Variants in UMODL1 observed in about 807,000 individuals in gnomAD.
UMODL1 encodes the protein uromodulin like 1.
UMODL1 carries 128 observed loss-of-function variants against 136.3 expected under a neutral mutation model. The ratio of observed to expected loss-of-function variants is 0.94; its 90% confidence interval spans 0.81 to 1.09. The LOEUF is 1.09. Among genes scored for constraint, UMODL1 ranks in the 50% least tolerant of loss-of-function variants. The pLI is 0.00. For synonymous variants in UMODL1, 721 were observed against 720.0 expected, an observed-to-expected ratio of 1.00 and a Z score of -0.02; for missense variants, 1,766 against 1,725.6, an observed-to-expected ratio of 1.02 and a Z score of -0.41.
upstream of UMODL1, among the ~76,000 whole-genome samples, chr21:42,068,938 T>C (rs2066205632): frequency 6.6e-6 from 1 of 152,210 alleles, no homozygotes; most frequent in Non-Finnish European, 1.5e-5. The surrounding 1 kb of genome is among the most constrained non-coding windows in gnomAD (Gnocchi z 5.5). Context: ...GCCTCCATTG[T>C]CTCTCCAGCC....
chr21:42,139,755 C>T (rs993690582), intron 22 of UMODL1, among the ~76,000 whole-genome samples: 11 of 152,268 alleles, frequency 7.2e-5, no homozygotes, highest in African/African-American at 2.6e-4. Flanking sequence ...GACATTTCCT[C>T]GTAACTCTAT....
rs2066833850 is a variant in UMODL1, at chr21:42,111,678, C to T, written c.2072C>T (p.Ser691Phe). 1.1e-5 allele frequency: 18 copies of T among 1,613,660 alleles called. No homozygotes were observed. The highest frequency in any genetic ancestry group is 1.5e-5 in the Non-Finnish European group (18 of 1,179,760). ...PSGSVDLPLT[S>F]TLTALKTPAC... The stretch of plus-strand genomic sequence containing the variant: ...GGTTCTGTAGACCTGCCATTGACCT[C>T]CACCCTCACAGCTCTGAAGACCCCC... The change falls in exon 12 of 23, where the codon TCC becomes TTC. Residue 691 changes from serine (S) to phenylalanine (F), a missense_variant. Physicochemically the swap from Ser to Phe is radical, Grantham distance 155 (BLOSUM62 -2). Coordinates refer to ENST00000408910, the MANE Select transcript of UMODL1 (RefSeq NM_001004416.3).
At position 42,086,763 on chromosome 21, in the gene UMODL1, A is replaced by G. The variant is rs536081013; in HGVS notation, c.603+1351A>G. The G allele has an allele frequency of 6.0e-5, 24 of 398,202 alleles. No homozygotes were observed. In the East Asian group the frequency reaches 1.5e-3, roughly 24 times the overall value. 24.7% of individuals were successfully genotyped at this position (398,202 alleles called of 1,614,324 possible). A position where few individuals can be genotyped will look rare whatever the true frequency, so the allele number is the denominator to read the frequency against. On this transcript the variant is annotated intron_variant, in intron 4 of 22. Coordinates refer to ENST00000408910, the MANE Select transcript of UMODL1 (RefSeq NM_001004416.3). ...GGCGGATCACTTGAGGTCAGGAGTT[A>G]AAGACCAGCCTGGCCAACATGGCGA...
chr21:42,118,786 C>T (rs946598665), intron 14 of UMODL1, among the ~76,000 whole-genome samples: 2 of 152,162 alleles, frequency 1.3e-5, no homozygotes, highest in Non-Finnish European at 2.9e-5. Flanking sequence ...CCTTGTGAGC[C>T]CCCAGCAAAT....
chr21:42,116,006 C>T (rs896637898), intron 14 of UMODL1, 21 bp downstream of exon 14: 2 of 1,587,352 alleles, frequency 1.3e-6, no homozygotes, highest in African/African-American at 1.3e-5. Flanking sequence ...GATATCAGCC[C>T]TTAATTCCTT....
At chr21:42,102,442 A>T (rs1000793756) in intron 8 of UMODL1, 164 bp downstream of exon 8, 2 of 533,106 alleles carry the variant, frequency 3.8e-6, no homozygotes. Context: ...GTGATTAGTC[A>T]AAAGCTTTCC....
rs757516015 is a variant in UMODL1 at position 42,071,410 on chromosome 21, G to A, written c.76+18G>A. On this transcript the variant is annotated intron_variant, in intron 1 of 22. Transcript: ENST00000408910. ...CTTCACAGGTGAGGGGTCTGGGCTT[G>A]GCATGGGCAGTTCTTAAGGACAGGG... 4.5e-6 allele frequency: 7 copies of A among 1,563,336 alleles called. No homozygotes were observed. Among genetic ancestry groups the A allele is most frequent in the Middle Eastern group, 1.7e-4 (1 of 5,892 alleles).
chr21:42,136,728 T>A (rs540474767), intron 21 of UMODL1, among the ~76,000 whole-genome samples: 1 of 151,608 alleles, frequency 6.6e-6, no homozygotes, highest in Non-Finnish European at 1.5e-5. Context: ...TCTTTTTTTT[T>A]GTTTCTTGTT....
intron 9 of UMODL1, among the ~76,000 whole-genome samples, chr21:42,104,621 T>G (rs1246092556): frequency 2.0e-5 from 3 of 152,130 alleles, no homozygotes; most frequent in Non-Finnish European, 4.4e-5. Context: ...GGCTAATTTT[T>G]GTATTTTAAG....
Position 42,111,641 on chromosome 21 carries a change from A to G in UMODL1, c.2035A>G (p.Ser679Gly). The G allele has an allele frequency of 6.2e-7, 1 of 1,614,062 alleles. No homozygotes were observed. The highest frequency in any genetic ancestry group is 1.1e-5 in the South Asian group (1 of 91,076). The change falls in exon 12 of 23, where the codon AGT becomes GGT. Residue 679 changes from serine to glycine, a missense_variant. Coordinates refer to ENST00000408910, the MANE Select transcript of UMODL1 (RefSeq NM_001004416.3). Reference protein sequence around the residue: ...LNPTWLRNEDSGPSGSVDLPL... With the variant: ...LNPTWLRNEDGGPSGSVDLPL... The stretch of plus-strand genomic sequence containing the variant: ...TCCCACGTGGCTGCGAAATGAGGAC[A>G]GTGGACCCTCCGGTTCTGTAGACCT...
Position 42,111,339 on chromosome 21 carries a change from GGAGCCCCAGCCAGGA to G in UMODL1, c.1900-152_1900-138del, listed in dbSNP as rs759024552. On this transcript the variant is annotated intron_variant, in intron 11 of 22. Transcript: ENST00000408910. ...TCCAGCCAGGGGAGCCCCAGCCAGG[GGAGCCCCAGCCAGGA>G]GAGCCCCAGCCAGGGGAGCACCAGC... 30 of 1,605,100 alleles carry G rather than the reference GGAGCCCCAGCCAGGA, an allele frequency of 1.9e-5. No individual in the cohort carries two copies. The African/African-American group carries it at 1.9e-4, about 10-fold the overall frequency.
intron 8 of UMODL1, chr21:42,102,925 C>G (rs113440127): frequency 6.5e-6 from 1 of 153,234 alleles, no homozygotes; most frequent in Admixed American, 6.5e-5. Flanking sequence ...TGTGCCGGTT[C>G]CCCTTCCTGC....
At chr21:42,124,061 G>A (rs908329546) in intron 17 of UMODL1, among the ~76,000 whole-genome samples, 2 of 152,202 alleles carry the variant, frequency 1.3e-5, no homozygotes, top group Non-Finnish European at 2.9e-5. Flanking sequence ...TCTAGTGTGT[G>A]GCACCCATGA....
intron 6 of UMODL1, among the ~76,000 whole-genome samples, chr21:42,095,147 T>G (rs936727684): frequency 2.9e-5 from 4 of 137,566 alleles, no homozygotes; most frequent in Non-Finnish European, 6.1e-5. Flanking sequence ...CAGGCTGAAG[T>G]ACAGTGGCAC....
rs776165510 is a variant in UMODL1 at position 42,127,064 on chromosome 21, T to C, written c.3352T>C (p.Leu1118=). Residue 1118 remains leucine (L), a synonymous_variant, in exon 19 of 23, where the codon TTG becomes CTG. Coordinates refer to ENST00000408910, the MANE Select transcript of UMODL1 (RefSeq NM_001004416.3). ...GAGNFVTEMQ[L]FIGDSPIPQN... ...TGGGAATTTTGTTACCGAAATGCAG[T>C]TGTTTATCGGAGACTCTCCCATACC... 6.2e-7 allele frequency: 1 copy of C among 1,614,044 alleles called. No homozygotes were observed. Among genetic ancestry groups the C allele is most frequent in the Non-Finnish European group, 8.5e-7 (1 of 1,180,034 alleles).
chr21:42,077,428 A>C (rs989985803), intron 2 of UMODL1, among the ~76,000 whole-genome samples: 4 of 152,194 alleles, frequency 2.6e-5, no homozygotes, highest in Admixed American at 2.0e-4. Context: ...TTTCTTTTAT[A>C]CTTTGGTTTA....
chr21:42,110,932 G>C lies in UMODL1; in HGVS notation c.1710G>C (p.Thr570=). The C allele has an allele frequency of 6.2e-7, 1 of 1,612,848 alleles. No homozygotes were observed. The highest frequency in any genetic ancestry group is 8.5e-7 in the Non-Finnish European group (1 of 1,179,738). Residue 570 remains threonine (T), a synonymous_variant, in exon 11 of 23, where the codon ACG becomes ACC. Coordinates refer to ENST00000408910, the MANE Select transcript of UMODL1 (RefSeq NM_001004416.3). ...GGGLSAATGV[T]VPGLGTGTAA... ...GACTGTCTGCGGCAACAGGGGTAAC[G>C]GTCCCAGGTCTTGGCACGGGAACAG...
intron 17 of UMODL1, among the ~76,000 whole-genome samples, chr21:42,125,880 ACT>A (rs1339750100): frequency 6.6e-6 from 1 of 152,158 alleles, no homozygotes; most frequent in African/African-American, 2.4e-5. Flanking sequence ...GCCTCCCAGG[ACT>A]GGGGCCCTGG....
intron 9 of UMODL1, chr21:42,108,477 A>C (rs2066756302): frequency 2.2e-6 from 1 of 449,378 alleles, no homozygotes; most frequent in Non-Finnish European, 4.6e-6. Context: ...ACAACAGAAA[A>C]AAACCCACAA....
Sources: gnomAD v4.1 joint callset for allele counts (sites outside exome capture counted in the v4.1 genomes callset) on GRCh38, gnomAD v4.1.1 for gene constraint, Gnocchi (gnomAD v3.1) non-coding constraint, MANE v1.5 for transcripts, NCBI Gene and HGNC (gene_info 2026-07-23, HGNC 2026-07-21) for gene names.